SI: variants seen among roughly 807,000 people sequenced by gnomAD.
SI encodes the protein sucrase-isomaltase.
A neutral mutation model predicts 253.3 loss-of-function variants in SI; 235 were observed. The observed-to-expected ratio is 0.93, with a 90% CI of 0.83 to 1.03. The LOEUF (loss-of-function observed/expected upper bound fraction) is 1.03, where lower values mean the gene tolerates loss of function less well. Ranked by LOEUF, SI falls within the 50% of genes least tolerant of loss-of-function variation. The probability of loss-of-function intolerance (pLI) is 0.00; values close to 1 mark genes in which losing one functional copy is unlikely to be tolerated. For synonymous variants in SI, 819 were observed against 712.0 expected (o/e 1.15, Z -2.39); for missense variants, 2,442 against 2,211.1 (o/e 1.10, Z -2.09).
upstream of SI, among the ~76,000 whole-genome samples, chr3:165,080,307 A>G (rs1715262175): frequency 6.6e-6 from 1 of 152,006 alleles, no homozygotes; most frequent in Non-Finnish European, 1.5e-5. Flanking sequence ...ACATCTTTGA[A>G]TTGAAACGAT....
In SI at chr3:165,021,221, T is replaced by A. The variant is rs1183999073; in HGVS notation, c.3254+8A>T. ...ATATCCTTTATATCAAATAATTCAA[T>A]TACTTACATGACTCTTCCACTGCTT... On this transcript the variant is annotated splice_region_variant and intron_variant, in intron 27 of 47. Transcript: ENST00000264382. 6.2e-7 allele frequency: 1 copy of A among 1,607,794 alleles called. No individual in the cohort carries two copies. The highest frequency in any genetic ancestry group is 2.2e-5 in the East Asian group (1 of 44,678).
At chr3:165,037,774 A>C in intron 21 of SI, 126 bp downstream of exon 21, 1 of 694,670 alleles carries the variant, frequency 1.4e-6, no homozygotes, top group Non-Finnish European at 2.6e-6. Flanking sequence ...ATAGTTCAGT[A>C]TTACCTCTGT....
intron 34 of SI, among the ~76,000 whole-genome samples, chr3:165,010,879 C>G (rs1718739838): frequency 1.3e-5 from 2 of 152,152 alleles, no homozygotes; most frequent in Admixed American, 1.3e-4. Context: ...TCTAGTGGTT[C>G]TCAAGAATAG....
chr3:165,068,616 G>T, intron 5 of SI, 106 bp downstream of exon 5: 6 of 795,588 alleles, frequency 7.5e-6, no homozygotes, highest in Non-Finnish European at 9.0e-6. Flanking sequence ...CTTGTGATCC[G>T]CCCACGTCAG....
At chr3:165,088,588 C>A in the SI span, among the ~76,000 whole-genome samples, 3 of 151,888 alleles carry the variant, frequency 2.0e-5, no homozygotes, top group African/African-American at 7.3e-5. Context: ...TTGCAGTGAG[C>A]CGAGATTGTG....
At chr3:165,007,414 G>A (rs1431547607) in intron 36 of SI, among the ~76,000 whole-genome samples, 1 of 151,906 alleles carries the variant, frequency 6.6e-6, no homozygotes, top group African/African-American at 2.4e-5. Context: ...TGATGAATAT[G>A]AAACATCACA....
intron 46 of SI, 128 bp downstream of exon 46, chr3:164,982,874 C>A (rs1717257389): frequency 3.6e-6 from 3 of 827,980 alleles, no homozygotes; most frequent in African/African-American, 1.7e-5. Context: ...AGGTCTTGAA[C>A]CCCTGGCCTC....
At chr3:165,013,228 T>G (rs1169456714) in intron 33 of SI, among the ~76,000 whole-genome samples, 186 bp from the exon 34 acceptor site, 1 of 152,184 alleles carries the variant, frequency 6.6e-6, no homozygotes, top group African/African-American at 2.4e-5. Context: ...ATTTTCCATG[T>G]TAGTCTCCTC....
intron 46 of SI, among the ~76,000 whole-genome samples, 160 bp from the exon 47 acceptor site, chr3:164,982,570 C>G (rs534129359): frequency 6.6e-6 from 1 of 152,092 alleles, no homozygotes; most frequent in Admixed American, 6.6e-5. Context: ...ATGAATAAAA[C>G]TTCAAATTTT....
Position 165,016,093 on chromosome 3 carries a change from A to C in SI, c.3760-13T>G, listed in dbSNP as rs1370775846. On this transcript the variant is annotated splice_polypyrimidine_tract_variant and intron_variant, in intron 31 of 47. Transcript: ENST00000264382. ...TGTACTGAACATCCTGAAATATCCA[A>C]AAATTATCAAAGTAGGGCAAAAAAT... The C allele has an allele frequency of 6.2e-7, 1 of 1,611,472 alleles. No homozygotes were observed. The highest frequency in any genetic ancestry group is 1.3e-5 in the African/African-American group (1 of 74,836).
chr3:165,075,920 T>G lies in SI; in HGVS notation c.93A>C (p.Leu31Phe). 1 of 1,597,470 alleles carries G rather than the reference T, an allele frequency of 6.3e-7. No homozygotes were observed. The highest frequency in any genetic ancestry group is 8.6e-7 in the Non-Finnish European group (1 of 1,166,212). Residue 31 changes from leucine to phenylalanine, a missense_variant, in exon 2 of 48, where the codon TTA becomes TTC. By Grantham distance (22) the Leu-to-Phe change is conservative (BLOSUM62 0). Transcript: ENST00000264382. Reference sequence around the variant, plus strand: ...CATCAACAGCAGGTGTCTTAGTTGCTAAAACAACAATTAAGGCAATAGCTA... The same window carrying G: ...CATCAACAGCAGGTGTCTTAGTTGCGAAAACAACAATTAAGGCAATAGCTA... ...TIIAIALIVV[L>F]ATKTPAVDEI...
At chr3:165,001,182 C>T (rs1472704185) in intron 37 of SI, among the ~76,000 whole-genome samples, 1 of 151,154 alleles carries the variant, frequency 6.6e-6, no homozygotes, top group Non-Finnish European at 1.5e-5. Flanking sequence ...TAAACATTTT[C>T]CAAACACTTC....
At chr3:165,022,023 T>C (rs1368180720) in intron 26 of SI, among the ~76,000 whole-genome samples, 1 of 151,614 alleles carries the variant, frequency 6.6e-6, no homozygotes, top group Admixed American at 6.6e-5. Context: ...TTATTCAACA[T>C]TTATGTTCCA....
chr3:165,087,013 C>G, the SI span, among the ~76,000 whole-genome samples: 1 of 152,048 alleles, frequency 6.6e-6, no homozygotes, highest in Non-Finnish European at 1.5e-5. Flanking sequence ...GTACAATATC[C>G]CACGTGCTCC....
chr3:165,059,314 A>T lies in SI; in HGVS notation c.1147-15T>A, dbSNP rs1453116578. 7 of 1,610,524 alleles carry T rather than the reference A, an allele frequency of 4.3e-6. No individual in the cohort carries two copies. Among genetic ancestry groups the T allele is most frequent in the Non-Finnish European group, 3.4e-6 (4 of 1,177,394 alleles). The stretch of plus-strand genomic sequence containing the variant: ...ACCTGTGTATCCTGAAAGTTAGAAG[A>T]TTGTATTTCAATACATAGTACTGAA... On this transcript the variant is annotated splice_polypyrimidine_tract_variant and intron_variant, in intron 10 of 47. Transcript: ENST00000264382.
Position 165,023,071 on chromosome 3 carries a change from A to T in SI, c.3099+499T>A, listed in dbSNP as rs185237072. ...ATAATACACAAGAAAATATCTTTGG[A>T]AATATAATTTTACATCTAGTTATTT... On this transcript the variant is annotated intron_variant, in intron 26 of 47. Transcript: ENST00000264382. 2.6e-5 allele frequency among the ~76,000 whole-genome samples: 4 copies of T among 151,626 alleles called. No homozygotes were observed. In the East Asian group the frequency reaches 7.8e-4, roughly 29 times the overall value.
rs756977393 is a variant in SI at position 165,065,281 on chromosome 3, G to C, written c.787C>G (p.Arg263Gly). Reference sequence around the variant, plus strand: ...CTTACATCACCAGGAAGTTGGTCTCGAGTAAAAATTGGCCATGTTTTCCAG... The same window carrying C: ...CTTACATCACCAGGAAGTTGGTCTCCAGTAAAAATTGGCCATGTTTTCCAG... ...LSWKTWPIFT[R>G]DQLPGDNNNN... The change falls in exon 7 of 48, where the codon CGA becomes GGA. Residue 263 changes from arginine to glycine, a missense_variant. By Grantham distance (125) the Arg-to-Gly change is moderately radical (BLOSUM62 -2). Coordinates refer to ENST00000264382, the MANE Select transcript of SI (RefSeq NM_001041.4). The C allele has an allele frequency of 1.9e-6, 3 of 1,604,050 alleles. No homozygotes were observed. Among genetic ancestry groups the C allele is most frequent in the Admixed American group, 3.4e-5 (2 of 59,554 alleles).
chr3:165,031,338 T>G (rs1476818338), intron 24 of SI, among the ~76,000 whole-genome samples: 1 of 147,860 alleles, frequency 6.8e-6, no homozygotes, highest in Non-Finnish European at 1.5e-5. Flanking sequence ...CACAGCAGAA[T>G]TATGAAGATT....
chr3:165,016,929 G>C (rs1353716986), intron 31 of SI, among the ~76,000 whole-genome samples: 1 of 151,636 alleles, frequency 6.6e-6, no homozygotes, highest in African/African-American at 2.4e-5. Flanking sequence ...CTTATAATGA[G>C]GTTTTTCTGA....
Sources: gnomAD v4.1 joint callset for allele counts (sites outside exome capture counted in the v4.1 genomes callset) on GRCh38, gnomAD v4.1.1 for gene constraint, MANE v1.5 for transcripts, NCBI Gene and HGNC (gene_info 2026-07-23, HGNC 2026-07-21) for gene names.